The following RANBP17 variants were observed in gnomAD, a reference collection of about 807,000 sequenced individuals.
RANBP17 encodes the protein ran-binding protein 17.
A neutral mutation model predicts 141.2 loss-of-function variants in RANBP17; 158 were observed. The observed-to-expected ratio is 1.12, with a 90% confidence interval of 0.98 to 1.28. The LOEUF is 1.28. Ranked by LOEUF, RANBP17 falls within the 50% of genes most tolerant of loss-of-function variation. RANBP17 has a pLI of 0.00. For missense variants in RANBP17, 1,438 were observed against 1,290.7 expected (o/e 1.11, Z -1.75); for synonymous variants, 430 against 450.0 (o/e 0.96, Z 0.56).
chr5:171,093,576 A>G (rs2127732252), intron 14 of RANBP17, among the ~76,000 whole-genome samples: 1 of 152,374 alleles, frequency 6.6e-6, no homozygotes, highest in Middle Eastern at 3.4e-3. Flanking sequence ...CAGAGACAAA[A>G]GACAAATATA....
chr5:171,198,693 C>A, intron 18 of RANBP17, among the ~76,000 whole-genome samples: 1 of 152,276 alleles, frequency 6.6e-6, no homozygotes, highest in Middle Eastern at 3.4e-3. Context: ...AAGGACCAAA[C>A]TTTGAGGACC....
chr5:171,194,583 C>T (rs1761852995), intron 18 of RANBP17, among the ~76,000 whole-genome samples: 1 of 152,098 alleles, frequency 6.6e-6, no homozygotes, highest in Non-Finnish European at 1.5e-5. Flanking sequence ...TTGGATGTGC[C>T]ATATTTTGTT....
chr5:171,159,366 G>GATGTC lies in RANBP17; in HGVS notation c.1711-10763_1711-10759dup, dbSNP rs560491603. ...GACTCATTTCTTTAACTGAAGATTG[G>GATGTC]ATGTCTAGTCCTGGCTCGCCATCAG... On this transcript the variant is annotated intron_variant, in intron 14 of 27. Coordinates refer to ENST00000523189, the MANE Select transcript of RANBP17 (RefSeq NM_022897.5). Among the ~76,000 whole-genome samples, 25 of 152,258 alleles carry GATGTC rather than the reference G, an allele frequency of 1.6e-4. No homozygotes were observed. In the East Asian group the frequency reaches 4.8e-3, roughly 29 times the overall value.
chr5:171,168,620 G>A (rs533639937), intron 14 of RANBP17, among the ~76,000 whole-genome samples: 1 of 152,214 alleles, frequency 6.6e-6, no homozygotes, highest in African/African-American at 2.4e-5. Context: ...ATTGAGGATT[G>A]TTGGTAACTG....
intron 24 of RANBP17, 149 bp from the exon 25 acceptor site, chr5:171,265,532 A>C (rs1327752236): frequency 4.1e-6 from 3 of 739,352 alleles, no homozygotes; most frequent in African/African-American, 3.5e-5. Context: ...CTCTGTCTCA[A>C]AAAAACAAAT....
intron 14 of RANBP17, among the ~76,000 whole-genome samples, chr5:171,157,129 T>C (rs1164037324): frequency 1.3e-5 from 2 of 152,224 alleles, no homozygotes; most frequent in African/African-American, 4.8e-5. Context: ...TTCTTCAGCA[T>C]TGGCTGTTGT....
chr5:170,926,133 T>G (rs1772896983), intron 12 of RANBP17, among the ~76,000 whole-genome samples: 1 of 152,274 alleles, frequency 6.6e-6, no homozygotes, highest in African/African-American at 2.4e-5. Flanking sequence ...AGTGGCAAAC[T>G]TTTTCTTAAA....
chr5:171,265,760 C>T lies in RANBP17; in HGVS notation c.2856C>T (p.Gly952=). 6.2e-7 allele frequency: 1 copy of T among 1,614,054 alleles called. No homozygotes were observed. Among genetic ancestry groups the T allele is most frequent in the Non-Finnish European group, 8.5e-7 (1 of 1,179,960 alleles). The part of the protein sequence containing the change: ...TYLFKHIAKE[G]KKPLRCREAT... Reference sequence around the variant, plus strand: ...TCTTCAAGCACATAGCAAAAGAGGGCAAGAAGCCACTTCGATGCAGAGAGG... The same window carrying T: ...TCTTCAAGCACATAGCAAAAGAGGGTAAGAAGCCACTTCGATGCAGAGAGG... The change falls in exon 25 of 28, where the codon GGC becomes GGT. Residue 952 remains glycine, a synonymous_variant. Transcript: ENST00000523189.
chr5:171,183,760 G>A (rs75306051), intron 18 of RANBP17, among the ~76,000 whole-genome samples: 9,571 of 152,194 alleles, frequency 0.063, 397 homozygotes, highest in East Asian at 0.12. Context: ...TACACACAAA[G>A]ATTTTCGTCA....
chr5:171,031,215 A>G (rs1781530311), intron 14 of RANBP17, among the ~76,000 whole-genome samples: 1 of 152,066 alleles, frequency 6.6e-6, no homozygotes, highest in Non-Finnish European at 1.5e-5. Context: ...TTTTCATTCT[A>G]TACCAGTTAA....
Position 170,968,336 on chromosome 5 carries a change from C to T in RANBP17, c.1669C>T (p.Arg557Cys), listed in dbSNP as rs969557166. The T allele has an allele frequency of 4.4e-6, 7 of 1,608,482 alleles. No homozygotes were observed. The African/African-American group carries it at 5.4e-5, about 12-fold the overall frequency. Residue 557 changes from arginine (R) to cysteine (C), a missense_variant, in exon 14 of 28, where the codon CGT becomes TGT. Physicochemically the swap from Arg to Cys is radical, Grantham distance 180. Transcript: ENST00000523189. ...LAILWFLDQF[R>C]KTYVGDQLQR... is the part of the protein sequence containing the mutation. The stretch of plus-strand genomic sequence containing the variant: ...AATTCTGTGGTTCTTGGATCAGTTT[C>T]GTAAAACATATGTTGGTGATCAACT...
intron 18 of RANBP17, among the ~76,000 whole-genome samples, chr5:171,197,739 A>C (rs1361198339): frequency 6.6e-6 from 1 of 152,204 alleles, no homozygotes; most frequent in African/African-American, 2.4e-5. Flanking sequence ...AGACCGGTAC[A>C]ATAGTTAAGA....
At chr5:171,214,994 A>G (rs184402983) in intron 21 of RANBP17, among the ~76,000 whole-genome samples, 1 of 152,144 alleles carries the variant, frequency 6.6e-6, no homozygotes, top group East Asian at 1.9e-4. Flanking sequence ...AACCCAACCC[A>G]TCACCTAGGT....
intron 14 of RANBP17, among the ~76,000 whole-genome samples, chr5:171,169,010 G>A (rs1266695962): frequency 5.9e-5 from 9 of 152,048 alleles, no homozygotes; most frequent in Admixed American, 5.9e-4. Context: ...CAGGACTCAG[G>A]TTGAAAGCCT....
rs188527425 is a variant in RANBP17 at position 171,201,651 on chromosome 5, A to G, written c.2142+1878A>G. 3.5e-4 allele frequency among the ~76,000 whole-genome samples: 54 copies of G among 152,358 alleles called. 1 individual carries two copies. In the Middle Eastern group the frequency reaches 0.017, roughly 48 times the overall value. Reference sequence around the variant, plus strand: ...GTGATTAAATATGCAGCTTGGCTGCATTTGTTGTGACAGACCTTTAGTAAA... The same window carrying G: ...GTGATTAAATATGCAGCTTGGCTGCGTTTGTTGTGACAGACCTTTAGTAAA... On this transcript the variant is annotated intron_variant, in intron 19 of 27. Coordinates refer to ENST00000523189, the MANE Select transcript of RANBP17 (RefSeq NM_022897.5).
chr5:171,233,216 A>T (rs1271407974), intron 22 of RANBP17, among the ~76,000 whole-genome samples: 1 of 152,186 alleles, frequency 6.6e-6, no homozygotes, highest in South Asian at 2.1e-4. Flanking sequence ...AAGTGCTATT[A>T]AAAAAGAAAG....
intron 24 of RANBP17, among the ~76,000 whole-genome samples, chr5:171,247,513 A>G (rs1239505933): frequency 6.6e-6 from 1 of 152,248 alleles, no homozygotes; most frequent in Admixed American, 6.5e-5. Flanking sequence ...AGGTACAGAA[A>G]AGTTGAATCA....
chr5:170,997,666 G>T (rs972612489), intron 14 of RANBP17, among the ~76,000 whole-genome samples: 8 of 152,104 alleles, frequency 5.3e-5, no homozygotes, highest in African/African-American at 1.9e-4. Context: ...TACTAATCCA[G>T]TATTTCTGTT....
At chr5:170,997,328 G>A (rs900901216) in intron 14 of RANBP17, among the ~76,000 whole-genome samples, 1 of 152,126 alleles carries the variant, frequency 6.6e-6, no homozygotes, top group Non-Finnish European at 1.5e-5. Context: ...GGAGTGGAGG[G>A]CGGAGAGTTT....
Sources: gnomAD v4.1 joint callset for allele counts (sites outside exome capture counted in the v4.1 genomes callset) on GRCh38, gnomAD v4.1.1 for gene constraint, MANE v1.5 for transcripts, NCBI Gene and HGNC (gene_info 2026-07-23, HGNC 2026-07-21) for gene names.